ZMYM2: variants seen among roughly 807,000 people sequenced by gnomAD.
ZMYM2 encodes zinc finger MYM-type containing 2, also known as zinc finger MYM-type protein 2.
ZMYM2 carries 56 observed loss-of-function variants against 162.8 expected under a neutral mutation model. The ratio of observed to expected loss-of-function variants is 0.34; its 90% CI spans 0.28 to 0.43. The LOEUF (loss-of-function observed/expected upper bound fraction) is 0.43, where lower values mean the gene tolerates loss of function less well. ZMYM2 is among the 20% of genes least tolerant of loss of function. The pLI, the probability that ZMYM2 is intolerant of heterozygous loss-of-function variation, is 1.00. For missense variants in ZMYM2, 1,275 were observed against 1,621.8 expected (o/e 0.79, Z 3.67); for synonymous variants, 510 against 541.6 (o/e 0.94, Z 0.81).
At chr13:19,961,117 T>G (rs964459181) in intron 2 of ZMYM2, among the ~76,000 whole-genome samples, 2 of 145,340 alleles carry the variant, frequency 1.4e-5, no homozygotes, top group African/African-American at 5.0e-5. Context: ...ATTCTAAGGT[T>G]TTTTTTTTTT....
the ZMYM2 span, among the ~76,000 whole-genome samples, chr13:19,950,442 T>C: frequency 1.1e-4 from 17 of 152,234 alleles, no homozygotes; most frequent in Admixed American, 2.6e-4. Context: ...CAACTGGATA[T>C]GTAAACAGAA....
intron 9 of ZMYM2, 145 bp from the exon 10 acceptor site, chr13:20,031,174 A>C: frequency 2.0e-6 from 1 of 505,964 alleles, no homozygotes; most frequent in Non-Finnish European, 3.4e-6. Context: ...TTTAAGGACA[A>C]AATTTGGAAA....
chr13:19,869,239 C>A, the ZMYM2 span, among the ~76,000 whole-genome samples: 1 of 152,132 alleles, frequency 6.6e-6, no homozygotes, highest in Non-Finnish European at 1.5e-5. Flanking sequence ...GTGTTTCTTG[C>A]TAGATGGTTA....
intron 12 of ZMYM2, among the ~76,000 whole-genome samples, chr13:20,048,876 T>G (rs1156899632): frequency 2.0e-5 from 3 of 151,158 alleles, no homozygotes; most frequent in Non-Finnish European, 4.4e-5. Context: ...AACCACAAAA[T>G]AGATGATGCA....
chr13:19,986,172 A>G (rs1178586927), intron 2 of ZMYM2, among the ~76,000 whole-genome samples: 3 of 151,324 alleles, frequency 2.0e-5, no homozygotes, highest in African/African-American at 7.3e-5. Flanking sequence ...TCTCCAGCCT[A>G]GGCAATAGAG....
Position 20,062,856 on chromosome 13 carries a change from T to G in ZMYM2, c.2922T>G (p.Ile974Met), listed in dbSNP as rs1349800884. The change falls in exon 18 of 25, where the codon ATT (isoleucine) becomes ATG (methionine). Residue 974 changes from isoleucine to methionine, a missense_variant. Physicochemically the swap from Ile to Met is conservative, Grantham distance 10. This residue lies in a region of ZMYM2 where 229 missense variants were observed against 283.8 expected (regional missense o/e 0.81). Coordinates refer to ENST00000610343, the MANE Select transcript of ZMYM2 (RefSeq NM_197968.4). ...TETTNINSVI[I>M]ETDIIGSDLL... ...ATGGATTGATTTCAGGTGTAATTAT[T>G]GAAACAGATATAATTGGTTCAGACC... The G allele has an allele frequency of 6.4e-7, 1 of 1,572,472 alleles. No individual in the cohort carries two copies. Among genetic ancestry groups the G allele is most frequent in the Admixed American group, 1.9e-5 (1 of 53,326 alleles).
intron 21 of ZMYM2, among the ~76,000 whole-genome samples, chr13:20,078,699 G>A (rs1408226958): frequency 6.6e-6 from 1 of 152,170 alleles, no homozygotes; most frequent in East Asian, 1.9e-4. Context: ...TCTGAAATGA[G>A]AAGTGTTCTG....
At chr13:19,980,752 CAAAAAAAA>C (rs914320015) in intron 2 of ZMYM2, among the ~76,000 whole-genome samples, 8 of 31,226 alleles carry the variant, frequency 2.6e-4, no homozygotes, top group East Asian at 8.8e-4. Context: ...GACTCCATCT[CAAAAAAAA>C]AAAAAAAAAA....
At chr13:20,005,383 C>A (rs1383851726) in intron 5 of ZMYM2, 144 bp downstream of exon 5, 1 of 585,764 alleles carries the variant, frequency 1.7e-6, no homozygotes. Context: ...ATTATGTAAT[C>A]TGATTCTCCC....
At chr13:19,888,748 T>C in the ZMYM2 span, among the ~76,000 whole-genome samples, 1 of 151,738 alleles carries the variant, frequency 6.6e-6, no homozygotes, top group Admixed American at 6.6e-5. Context: ...TACAGGTGCA[T>C]GCCACCACAC....
At chr13:20,007,156 A>G (rs1046653029) in intron 6 of ZMYM2, among the ~76,000 whole-genome samples, 2 of 151,356 alleles carry the variant, frequency 1.3e-5, no homozygotes, top group Admixed American at 6.6e-5. Context: ...TTTTTTTGAG[A>G]CGGAGTTTTG....
the ZMYM2 span, among the ~76,000 whole-genome samples, chr13:19,946,095 AC>A: frequency 8.4e-4 from 128 of 152,136 alleles, no homozygotes; most frequent in African/African-American, 3.0e-3. Flanking sequence ...CATCGCCACC[AC>A]CCTATTTGAG....
the ZMYM2 span, among the ~76,000 whole-genome samples, chr13:19,901,280 T>C: frequency 6.6e-6 from 1 of 152,182 alleles, no homozygotes; most frequent in Non-Finnish European, 1.5e-5. Context: ...CTTCTGGGTA[T>C]ATACCCAAAG....
chr13:20,031,685 A>C lies in ZMYM2; in HGVS notation c.1968+250A>C, dbSNP rs548489680. Among the ~76,000 whole-genome samples, 107 of 152,238 alleles carry C rather than the reference A, an allele frequency of 7.0e-4. 1 individual carries two copies. Among genetic ancestry groups the C allele is most frequent in the African/African-American group, 2.5e-3 (105 of 41,548 alleles). On this transcript the variant is annotated intron_variant, in intron 10 of 24. Coordinates refer to ENST00000610343, the MANE Select transcript of ZMYM2 (RefSeq NM_197968.4). ...ATTGTATAAGTTCATAATAGTGTAC[A>C]GAATGTCACTTTGTTTAGCTACGTA...
chr13:19,906,541 T>A, the ZMYM2 span, among the ~76,000 whole-genome samples: 284 of 123,744 alleles, frequency 2.3e-3, 3 homozygotes, highest in South Asian at 0.026. Context: ...TATATATATT[T>A]TTTTTGTTTT....
intron 2 of ZMYM2, among the ~76,000 whole-genome samples, chr13:19,988,159 C>A (rs1949327940): frequency 6.6e-6 from 1 of 152,132 alleles, no homozygotes; most frequent in South Asian, 2.1e-4. Context: ...AAGGGGTTGT[C>A]ACAGTTATGT....
upstream of ZMYM2, among the ~76,000 whole-genome samples, chr13:19,955,294 G>A (rs577545869): frequency 2.6e-5 from 4 of 152,012 alleles, no homozygotes; most frequent in South Asian, 8.3e-4. Flanking sequence ...AATTTACTGA[G>A]GTCTATATTA....
the ZMYM2 span, among the ~76,000 whole-genome samples, chr13:19,884,381 C>T: frequency 1.3e-5 from 2 of 151,068 alleles, no homozygotes. Context: ...CGAGACGGCC[C>T]GGGCTAACAC....
chr13:20,001,654 GGGT>G (rs1333588291), intron 3 of ZMYM2, among the ~76,000 whole-genome samples: 2 of 152,154 alleles, frequency 1.3e-5, no homozygotes, highest in African/African-American at 2.4e-5. Context: ...GCTCTAGTGT[GGGT>G]AAACTGCTGT....
Sources: allele counts gnomAD v4.1 joint callset (sites outside exome capture counted in the v4.1 genomes callset), GRCh38; gene constraint gnomAD v4.1.1; regional missense constraint gnomAD v4.1.1; transcripts MANE v1.5; gene names NCBI Gene and HGNC (gene_info 2026-07-23, HGNC 2026-07-21).